The following PIK3R4 variants were observed in gnomAD, a reference collection of about 807,000 sequenced individuals.
PIK3R4 encodes phosphoinositide 3-kinase regulatory subunit 4.
PIK3R4 carries 46 observed loss-of-function variants against 136.5 expected under a neutral mutation model. That is an observed-to-expected ratio of 0.34 (90% confidence interval 0.27 to 0.43). The LOEUF is 0.43. Ranked by LOEUF, PIK3R4 falls within the 20% of genes least tolerant of loss-of-function variation. PIK3R4 has a pLI of 1.00. For missense variants in PIK3R4, 1,331 were observed against 1,649.5 expected, an observed-to-expected ratio of 0.81 and a Z score of 3.35; for synonymous variants, 557 against 566.7, an observed-to-expected ratio of 0.98 and a Z score of 0.24.
chr3:130,698,333 A>G (rs1002286252), intron 13 of PIK3R4, among the ~76,000 whole-genome samples: 3 of 152,030 alleles, frequency 2.0e-5, no homozygotes, highest in African/African-American at 4.8e-5. Context: ...TTTATTATGC[A>G]TGTGTGAGAA....
chr3:130,695,475 A>G (rs2066540959), intron 13 of PIK3R4, among the ~76,000 whole-genome samples: 1 of 152,186 alleles, frequency 6.6e-6, no homozygotes, highest in Non-Finnish European at 1.5e-5. Context: ...CATTCTGAGT[A>G]GTGTGATAAA....
In PIK3R4 at chr3:130,684,239, C is replaced by T. The variant is rs778984217; in HGVS notation, c.3607+11G>A. ...ATCTCCCAACACATGAAAGCCAGCC[C>T]TCCATCTTACCTGCAATCACCCAGG... On this transcript the variant is annotated intron_variant, in intron 16 of 19. Coordinates refer to ENST00000356763, the MANE Select transcript of PIK3R4 (RefSeq NM_014602.3). 1.1e-5 allele frequency: 18 copies of T among 1,609,258 alleles called. No individual in the cohort carries two copies. Among genetic ancestry groups the T allele is most frequent in the Non-Finnish European group, 1.5e-5 (18 of 1,176,522 alleles).
Position 130,686,359 on chromosome 3 carries a change from C to G in PIK3R4, c.3327G>C (p.Gln1109His). 6.2e-7 allele frequency: 1 copy of G among 1,613,634 alleles called. No individual in the cohort carries two copies. The highest frequency in any genetic ancestry group is 8.5e-7 in the Non-Finnish European group (1 of 1,179,572). The change falls in exon 15 of 20, where the codon CAG becomes CAC. Residue 1109 changes from glutamine to histidine, a missense_variant. Physicochemically the swap from Gln to His is conservative, Grantham distance 24. Around this residue, in one of 2 missense-constraint regions of PIK3R4, gnomAD observed 1,180 missense variants for 1,407.0 expected, o/e 0.84. Coordinates refer to ENST00000356763, the MANE Select transcript of PIK3R4 (RefSeq NM_014602.3). ...TCACAGTGGCATAGGCAAGAACAGA[C>G]TGTGCTCCAGAGTTGAAGTGATGCA... is the stretch of plus-strand genomic sequence containing the variant. ...VDMHHFNSGA[Q>H]SVLAYATVNG...
rs2066680594 is a variant in PIK3R4 at position 130,718,613 on chromosome 3, T to TA, written c.1982-80dup. The TA allele has an allele frequency of 3.5e-6, 5 of 1,414,570 alleles. No individual in the cohort carries two copies. The East Asian group carries it at 1.2e-4, about 34-fold the overall frequency. The allele number at this position is 1,414,570 out of a possible 1,614,324, so 87.6% of individuals were successfully genotyped here. ...ATAAACAAATTTTTACCTTATAACG[T>TA]AACTGACAAAAGGATTTTGCCACAG... On this transcript the variant is annotated intron_variant, in intron 7 of 19. Coordinates refer to ENST00000356763, the MANE Select transcript of PIK3R4 (RefSeq NM_014602.3).
rs544590293 is a variant in PIK3R4 at position 130,738,005 on chromosome 3, C to G, written c.734-2003G>C. ...TCTTGTCTACATGCCCACTAGAACG[C>G]AATTTACATGAGGAAGGGATTTTTC... On this transcript the variant is annotated intron_variant, in intron 2 of 19. Transcript: ENST00000356763. Among the ~76,000 whole-genome samples, 26 of 152,312 alleles carry G rather than the reference C, an allele frequency of 1.7e-4. 1 individual carries two copies. The South Asian group carries it at 5.4e-3, about 32-fold the overall frequency.
Position 130,716,326 on chromosome 3 carries a change from A to T in PIK3R4, c.2331+70T>A, listed in dbSNP as rs1350548565. ...TAATCAATCAAAAACATTTTAAAAA[A>T]CTAAATGGACACTTCAATATTTTTA... is the stretch of plus-strand genomic sequence containing the variant. On this transcript the variant is annotated intron_variant, in intron 9 of 19. Coordinates refer to ENST00000356763, the MANE Select transcript of PIK3R4 (RefSeq NM_014602.3). 4 of 1,269,238 alleles carry T rather than the reference A, an allele frequency of 3.2e-6. No homozygotes were observed. The African/African-American group carries it at 6.0e-5, about 19-fold the overall frequency. The allele number at this position is 1,269,238 out of a possible 1,614,324, so 78.6% of individuals were successfully genotyped here.
At chr3:130,730,224 GA>G in intron 5 of PIK3R4, 83 bp downstream of exon 5, 1 of 1,150,848 alleles carries the variant, frequency 8.7e-7, no homozygotes, top group Non-Finnish European at 1.3e-6. Context: ...CACCTTACAT[GA>G]AAACTACAAA....
intron 13 of PIK3R4, among the ~76,000 whole-genome samples, chr3:130,702,042 G>A (rs1378933081): frequency 6.6e-6 from 1 of 152,092 alleles, no homozygotes; most frequent in Non-Finnish European, 1.5e-5. Flanking sequence ...CTGAGAGGCT[G>A]AGGCGGGAGG....
At chr3:130,703,483 CTT>C (rs2107606984) in intron 13 of PIK3R4, among the ~76,000 whole-genome samples, 1 of 152,254 alleles carries the variant, frequency 6.6e-6, no homozygotes, top group Admixed American at 6.5e-5. Context: ...TCCTAGCTTC[CTT>C]TCCTGCTGTA....
At chr3:130,692,083 G>C (rs1450839924) in intron 13 of PIK3R4, among the ~76,000 whole-genome samples, 15 of 151,740 alleles carry the variant, frequency 9.9e-5, no homozygotes, top group African/African-American at 2.4e-5. Flanking sequence ...CACCATGTTA[G>C]CCAGAATGGT....
At chr3:130,687,893 G>GT (rs766677632) in intron 14 of PIK3R4, among the ~76,000 whole-genome samples, 69 of 152,258 alleles carry the variant, frequency 4.5e-4, no homozygotes, top group Non-Finnish European at 9.4e-4. Flanking sequence ...AGAAGTACTA[G>GT]TTCCTTTTAT....
chr3:130,681,033 A>G lies in PIK3R4; in HGVS notation c.3741T>C (p.Cys1247=). ...PSPHSVHGIY[C]SPADGNPILL... Reference sequence around the variant, plus strand: ...GGATAGGATTTCCATCTGCAGGACTACAGTAGATACCATGGACGCTATGAG... The same window carrying G: ...GGATAGGATTTCCATCTGCAGGACTGCAGTAGATACCATGGACGCTATGAG... Residue 1247 remains cysteine (C), a synonymous_variant, in exon 18 of 20, where the codon TGT becomes TGC. Coordinates refer to ENST00000356763, the MANE Select transcript of PIK3R4 (RefSeq NM_014602.3). 1 of 1,597,340 alleles carries G rather than the reference A, an allele frequency of 6.3e-7. No homozygotes were observed. Among genetic ancestry groups the G allele is most frequent in the African/African-American group, 1.3e-5 (1 of 74,676 alleles).
chr3:130,682,084 A>C (rs547606343), intron 16 of PIK3R4, among the ~76,000 whole-genome samples: 41 of 152,286 alleles, frequency 2.7e-4, no homozygotes, highest in African/African-American at 9.4e-4. Context: ...TGGTAGGCTA[A>C]ATAATGGCCC....
At chr3:130,740,322 A>G (rs924132709) in intron 2 of PIK3R4, among the ~76,000 whole-genome samples, 7 of 152,258 alleles carry the variant, frequency 4.6e-5, no homozygotes, top group African/African-American at 7.2e-5. Context: ...GCAAAATGCT[A>G]TAAGAGACAT....
At chr3:130,683,812 C>T (rs1295502917) in intron 16 of PIK3R4, among the ~76,000 whole-genome samples, 8 of 152,154 alleles carry the variant, frequency 5.3e-5, no homozygotes, top group Admixed American at 3.3e-4. Flanking sequence ...AGTTTCAAGA[C>T]TTGCCCAAGT....
At chr3:130,692,119 C>T (rs964326533) in intron 13 of PIK3R4, among the ~76,000 whole-genome samples, 17 of 152,154 alleles carry the variant, frequency 1.1e-4, no homozygotes, top group Admixed American at 1.1e-3. Flanking sequence ...TAGTGATCCG[C>T]CTGCCTCAGC....
At chr3:130,741,963 G>T (rs189069240) in intron 2 of PIK3R4, among the ~76,000 whole-genome samples, 333 of 152,194 alleles carry the variant, frequency 2.2e-3, no homozygotes, top group Non-Finnish European at 3.3e-3. Flanking sequence ...GTACAACAAC[G>T]TACAACAAAA....
chr3:130,728,711 GA>G (rs2066746953), intron 5 of PIK3R4, 27 bp from the exon 6 acceptor site: 1 of 1,338,064 alleles, frequency 7.5e-7, no homozygotes, highest in Non-Finnish European at 1.0e-6. Flanking sequence ...AAGAAAGAAA[GA>G]AAGAAAGAAA....
At chr3:130,737,465 G>C (rs1225594845) in intron 2 of PIK3R4, among the ~76,000 whole-genome samples, 7 of 152,152 alleles carry the variant, frequency 4.6e-5, no homozygotes, top group Admixed American at 3.9e-4. Flanking sequence ...TTCGAGACCA[G>C]CCTGGCCAAC....
Sources: gnomAD v4.1 joint callset for allele counts (sites outside exome capture counted in the v4.1 genomes callset) on GRCh38, gnomAD v4.1.1 for gene constraint, gnomAD v4.1.1 regional missense constraint, MANE v1.5 for transcripts, NCBI Gene and HGNC (gene_info 2026-07-23, HGNC 2026-07-21) for gene names.